The following SLC6A2 variants were observed in gnomAD, a reference collection of about 807,000 sequenced individuals.
SLC6A2 encodes sodium-dependent noradrenaline transporter.
Under a neutral mutation model 71.7 loss-of-function variants are expected in SLC6A2, and 26 were observed. That is an observed-to-expected ratio of 0.36 (90% CI 0.27 to 0.50). The LOEUF (loss-of-function observed/expected upper bound fraction) is 0.50. SLC6A2 is among the 20% of genes least tolerant of loss of function. SLC6A2 has a pLI of 0.96. For synonymous variants in SLC6A2, 363 were observed against 337.9 expected (o/e 1.07, Z -0.82); for missense variants, 581 against 803.9 (o/e 0.72, Z 3.35).
At chr16:55,670,395 A>G (rs1203973783) in intron 3 of SLC6A2, among the ~76,000 whole-genome samples, 2 of 152,172 alleles carry the variant, frequency 1.3e-5, no homozygotes, top group Admixed American at 1.3e-4. Context: ...AGAGTCTTAT[A>G]AGACATGTGC....
In SLC6A2 at chr16:55,695,102, C is replaced by G. The variant is rs41516245; in HGVS notation, c.1023-176C>G. Among the ~76,000 whole-genome samples the G allele has an allele frequency of 8.6e-3, 1,312 of 152,264 alleles. 7 individuals are homozygous for G. The highest frequency in any genetic ancestry group is 0.031 in the Middle Eastern group (9 of 294). ...GGCTGTTGCATCCATAAGCAGTTAG[C>G]CTACTTCCTGCACCAGTGATGGTGA... On this transcript the variant is annotated intron_variant, in intron 7 of 14. Transcript: ENST00000568943.
chr16:55,656,852 C>G lies in SLC6A2; in HGVS notation c.158C>G (p.Ala53Gly). Residue 53 changes from alanine (A) to glycine (G), a missense_variant, in exon 2 of 15, where the codon GCG (alanine) becomes GGG (glycine). By Grantham distance (60) the Ala-to-Gly change is moderately conservative. Coordinates refer to ENST00000568943, the MANE Select transcript of SLC6A2 (RefSeq NM_001172501.3). This position sits in a 1 kb window ranked among gnomAD's most constrained non-coding sequence, Gnocchi z 4.5. ...CTGCTGGCGCCCCGCGACGGCGACG[C>G]GCAGCCCCGGGAGACCTGGGGCAAG... ...QCLLAPRDGDAQPRETWGKKI... is the reference protein window; with the variant it reads ...QCLLAPRDGDGQPRETWGKKI... 6.2e-7 allele frequency: 1 copy of G among 1,613,812 alleles called. No individual in the cohort carries two copies. Among genetic ancestry groups the G allele is most frequent in the South Asian group, 1.1e-5 (1 of 91,070 alleles).
chr16:55,676,036 A>G (rs1470491591), intron 4 of SLC6A2, among the ~76,000 whole-genome samples: 1 of 152,124 alleles, frequency 6.6e-6, no homozygotes, highest in Non-Finnish European at 1.5e-5. Flanking sequence ...AATACCCTCA[A>G]TGGTTCACTG....
chr16:55,657,009 C>T (rs1319958354), intron 2 of SLC6A2, 41 bp downstream of exon 2: 1 of 1,603,860 alleles, frequency 6.2e-7, no homozygotes, highest in African/African-American at 1.3e-5. Flanking sequence ...TCTGGGAGGT[C>T]CACTGTCTGC....
At chr16:55,697,551 G>T (rs115010838) in intron 9 of SLC6A2, among the ~76,000 whole-genome samples, 1 of 152,162 alleles carries the variant, frequency 6.6e-6, no homozygotes, top group Non-Finnish European at 1.5e-5. Context: ...ACATGTAAAC[G>T]TATGACATGG....
intron 4 of SLC6A2, among the ~76,000 whole-genome samples, chr16:55,684,606 G>C (rs913213250): frequency 6.6e-6 from 1 of 152,094 alleles, no homozygotes; most frequent in African/African-American, 2.4e-5. Context: ...GGACCTTTTG[G>C]GAAGGATCAT....
chr16:55,695,373 A>T lies in SLC6A2; in HGVS notation c.1118A>T (p.Lys373Met). ...CTTGGTTACATGGCCCATGAACACA[A>T]GGTCAACATTGAGGATGTGGCCACA... Reference protein sequence around the residue: ...SILGYMAHEHKVNIEDVATEG... With the variant: ...SILGYMAHEHMVNIEDVATEG... The change falls in exon 8 of 15, where the codon AAG becomes ATG. Residue 373 changes from lysine (K) to methionine (M), a missense_variant. By Grantham distance (95) the Lys-to-Met change is moderately conservative (BLOSUM62 -1). This residue lies in a region of SLC6A2 where 334 missense variants were observed against 449.0 expected (regional missense o/e 0.74). Transcript: ENST00000568943. 1 of 1,614,232 alleles carries T rather than the reference A, an allele frequency of 6.2e-7. No individual in the cohort carries two copies. The highest frequency in any genetic ancestry group is 8.5e-7 in the Non-Finnish European group (1 of 1,180,030).
In SLC6A2 at chr16:55,703,690, C is replaced by A; in HGVS notation, c.*1344C>A. 1.0e-6 allele frequency: 1 copy of A among 985,342 alleles called. No individual in the cohort carries two copies. The highest frequency in any genetic ancestry group is 1.2e-6 in the Non-Finnish European group (1 of 829,880). 61.0% of individuals were successfully genotyped at this position (985,342 alleles called of 1,614,324 possible). A position where few individuals can be genotyped will look rare whatever the true frequency, so the allele number is the denominator to read the frequency against. On this transcript the variant is annotated 3_prime_UTR_variant, in exon 15 of 15. Transcript: ENST00000568943. ...AGGGGTTTCTGTTTATGGTTAGAGTCTCTTACACCCTTGTTGGAGGGATTC... is the reference window on the plus strand; with the variant it reads ...AGGGGTTTCTGTTTATGGTTAGAGTATCTTACACCCTTGTTGGAGGGATTC...
At chr16:55,657,215 G>A (rs1425136619) in intron 2 of SLC6A2, among the ~76,000 whole-genome samples, 1 of 152,180 alleles carries the variant, frequency 6.6e-6, no homozygotes, top group Non-Finnish European at 1.5e-5. Flanking sequence ...TGGGCACCCT[G>A]GAAGCAAAAC....
intron 5 of SLC6A2, among the ~76,000 whole-genome samples, chr16:55,691,673 A>C (rs553984173): frequency 6.6e-6 from 1 of 152,204 alleles, no homozygotes; most frequent in South Asian, 2.1e-4. Flanking sequence ...TGCTATCCCC[A>C]CTGTGGCTGA....
chr16:55,696,121 C>G, intron 8 of SLC6A2, 104 bp from the exon 9 acceptor site: 1 of 775,428 alleles, frequency 1.3e-6, no homozygotes, highest in Non-Finnish European at 2.4e-6. Context: ...GTGTTCTGTC[C>G]GCCCACACAT....
intron 4 of SLC6A2, among the ~76,000 whole-genome samples, chr16:55,681,900 ATTTGT>A (rs561274401): frequency 6.6e-6 from 1 of 152,042 alleles, no homozygotes; most frequent in Admixed American, 6.6e-5. Context: ...TTTAGTGTAA[ATTTGT>A]TTTGTTTTGT....
chr16:55,692,087 G>C (rs1240018972), intron 6 of SLC6A2, 35 bp downstream of exon 6: 1 of 1,613,534 alleles, frequency 6.2e-7, no homozygotes, highest in South Asian at 1.1e-5. Context: ...CTTGGGCCAG[G>C]CTTGTGGGAG....
intron 2 of SLC6A2, among the ~76,000 whole-genome samples, chr16:55,664,156 G>C (rs40519): frequency 0.14 from 20,768 of 152,094 alleles, 1,447 homozygotes; most frequent in Middle Eastern, 0.16. Context: ...GGCCATCTCA[G>C]CTTCAGAACT....
In SLC6A2 at chr16:55,701,919, C is replaced by T; in HGVS notation, c.1815C>T (p.Asp605=). The change falls in exon 14 of 15, where the codon GAC becomes GAT. Residue 605 remains aspartate, a synonymous_variant. Transcript: ENST00000568943. ...ENEHHLVAQR[D]IRQFQLQHWL... The stretch of plus-strand genomic sequence containing the variant: ...AGCACCACCTGGTGGCTCAGAGGGA[C>T]ATCAGACAGTTCCAGGTGGGTGAAG... 1 of 1,613,716 alleles carries T rather than the reference C, an allele frequency of 6.2e-7. No individual in the cohort carries two copies. The highest frequency in any genetic ancestry group is 2.2e-5 in the East Asian group (1 of 44,868).
At chr16:55,693,212 C>T (rs900630510) in intron 6 of SLC6A2, among the ~76,000 whole-genome samples, 2 of 152,132 alleles carry the variant, frequency 1.3e-5, no homozygotes, top group Non-Finnish European at 2.9e-5. Flanking sequence ...CATGGGGAAA[C>T]CCCGTCTCTA....
chr16:55,657,271 G>T (rs76248490), intron 2 of SLC6A2, among the ~76,000 whole-genome samples: 5,948 of 152,194 alleles, frequency 0.039, 310 homozygotes, highest in African/African-American at 0.11. Context: ...CATGGTAGGG[G>T]TATGGATGGA....
intron 13 of SLC6A2, among the ~76,000 whole-genome samples, chr16:55,700,585 C>A (rs1196630622): frequency 7.2e-5 from 11 of 152,118 alleles, no homozygotes; most frequent in Admixed American, 5.2e-4. Flanking sequence ...GGGGTGAGCT[C>A]AGCCCTGGAG....
chr16:55,705,274 C>G lies in SLC6A2; in HGVS notation c.*2928C>G, dbSNP rs1310860165. On this transcript the variant is annotated 3_prime_UTR_variant, in exon 15 of 15. Transcript: ENST00000568943. ...AACTCTTGCCAGATATCCTGCTGAA[C>G]AGAAATCCCTGAAGCTGCCTTAATT... 2 of 1,534,024 alleles carry G rather than the reference C, an allele frequency of 1.3e-6. No homozygotes were observed. The highest frequency in any genetic ancestry group is 3.9e-5 in the Admixed American group (2 of 50,898).
Sources: gnomAD v4.1 joint callset for allele counts (sites outside exome capture counted in the v4.1 genomes callset) on GRCh38, gnomAD v4.1.1 for gene constraint, gnomAD v4.1.1 regional missense constraint, Gnocchi (gnomAD v3.1) non-coding constraint, MANE v1.5 for transcripts, NCBI Gene and HGNC (gene_info 2026-07-23, HGNC 2026-07-21) for gene names.